Variants in AK9 observed in about 807,000 individuals in gnomAD.
The protein encoded by AK9 is adenylate kinase 9, also known as adenylate kinase domain containing 1.
Under a neutral mutation model 239.6 loss-of-function variants are expected in AK9, and 191 were observed. The ratio of observed to expected loss-of-function variants is 0.80; its 90% CI spans 0.71 to 0.90. AK9 has a LOEUF of 0.90. Among genes scored for constraint, AK9 ranks in the 40% least tolerant of loss-of-function variants. The pLI is 0.00. For missense variants in AK9, 1,995 were observed against 2,214.7 expected (o/e 0.90, Z 1.99); for synonymous variants, 689 against 721.0 (o/e 0.96, Z 0.71).
chr6:109,506,055 T>C (rs1024607449), intron 35 of AK9, among the ~76,000 whole-genome samples: 6 of 152,180 alleles, frequency 3.9e-5, no homozygotes, highest in Admixed American at 2.6e-4. Flanking sequence ...CAAGCCCTCA[T>C]GATGTAACTA....
At chr6:109,573,618 T>C in intron 20 of AK9, 24 bp from the exon 21 acceptor site, 2 of 1,530,086 alleles carry the variant, frequency 1.3e-6, no homozygotes, top group East Asian at 2.5e-5. Context: ...AAGAAATAAA[T>C]TATCATTTGG....
rs1455135944 is a variant in AK9, at chr6:109,671,957, A to T, written c.293T>A (p.Met98Lys). ...TTCTGGGGAGTTGAGCTTCTCCAAC[A>T]TTAGCTTTATGACAAGTTCATCTGG... The part of the protein sequence containing the change: ...SIPDELVIKL[M>K]LEKLNSPEVC... Residue 98 changes from methionine (M) to lysine (K), a missense_variant, in exon 5 of 41, where the codon ATG (methionine) becomes AAG (lysine). By Grantham distance (95) the Met-to-Lys change is moderately conservative. Around this residue, in one of 5 missense-constraint regions of AK9, gnomAD observed 252 missense variants for 246.4 expected, o/e 1.02. Transcript: ENST00000424296. The T allele has an allele frequency of 1.9e-6, 3 of 1,613,922 alleles. No individual in the cohort carries two copies. The highest frequency in any genetic ancestry group is 2.5e-6 in the Non-Finnish European group (3 of 1,179,956).
intron 15 of AK9, 144 bp from the exon 16 acceptor site, chr6:109,612,237 G>A: frequency 3.5e-6 from 2 of 570,526 alleles, no homozygotes; most frequent in South Asian, 4.8e-5. Flanking sequence ...ACATTTAAAT[G>A]GGTAAATATA....
intron 38 of AK9, 87 bp downstream of exon 38, chr6:109,497,362 ACTCTCTCTCTCTCTCT>A: frequency 2.0e-6 from 1 of 496,020 alleles, no homozygotes; most frequent in Admixed American, 3.5e-5. Context: ...ACACACACAC[ACTCTCTCTCTCTCTCT>A]CTCTCTCACA....
At chr6:109,509,155 C>T (rs1167886620) in intron 33 of AK9, 24 bp downstream of exon 33, 14 of 1,547,244 alleles carry the variant, frequency 9.0e-6, no homozygotes, top group Admixed American at 2.0e-5. Context: ...CCCTCTGTCC[C>T]ATCCTCTCAC....
chr6:109,628,506 C>G (rs765152457), intron 12 of AK9, among the ~76,000 whole-genome samples: 6 of 152,094 alleles, frequency 3.9e-5, no homozygotes, highest in African/African-American at 1.4e-4. Flanking sequence ...TTTCTCTTCC[C>G]GCAGGGATCA....
At chr6:109,526,155 T>G (rs893974742) in intron 29 of AK9, among the ~76,000 whole-genome samples, 8 of 151,404 alleles carry the variant, frequency 5.3e-5, no homozygotes, top group Non-Finnish European at 1.2e-4. Context: ...AGGAGGAGAG[T>G]GAGGGTCAAA....
rs1388764673 is a variant in AK9 at position 109,515,939 on chromosome 6, G to A, written c.3983C>T (p.Pro1328Leu). 5 of 1,551,568 alleles carry A rather than the reference G, an allele frequency of 3.2e-6. No individual in the cohort carries two copies. In the African/African-American group the frequency reaches 4.1e-5, roughly 13 times the overall value. The change falls in exon 31 of 41, where the codon CCA becomes CTA. Residue 1328 changes from proline (P) to leucine (L), a missense_variant. Pro to Leu is a moderately conservative substitution (Grantham distance 98). Coordinates refer to ENST00000424296, the MANE Select transcript of AK9 (RefSeq NM_001145128.3). The part of the protein sequence containing the change: ...NRASIFEKCH[P>L]IPAPLAQKML... ...TTTCTGGGCAAGGGGTGCTGGTATT[G>A]GATGACATTTCTCAAAAATGCTTGC...
chr6:109,671,105 A>G (rs1770819848), intron 5 of AK9, among the ~76,000 whole-genome samples: 1 of 152,220 alleles, frequency 6.6e-6, no homozygotes, highest in Non-Finnish European at 1.5e-5. Context: ...CAGTAAATAC[A>G]GTTTGACAAG....
intron 1 of AK9, among the ~76,000 whole-genome samples, chr6:109,690,271 G>A (rs78200890): frequency 1.3e-5 from 2 of 152,168 alleles, no homozygotes; most frequent in African/African-American, 4.8e-5. Context: ...CTTGCAGTAG[G>A]TGTTCAGTAA....
At chr6:109,607,240 C>T (rs934001397) in intron 17 of AK9, among the ~76,000 whole-genome samples, 1 of 152,076 alleles carries the variant, frequency 6.6e-6, no homozygotes, top group African/African-American at 2.4e-5. Context: ...CGTTGAAGAC[C>T]TTTACCTTGA....
intron 1 of AK9, among the ~76,000 whole-genome samples, chr6:109,682,200 C>T (rs1315493457): frequency 3.3e-5 from 5 of 151,846 alleles, no homozygotes; most frequent in East Asian, 1.9e-4. Flanking sequence ...CCTAGGTGGG[C>T]GGATCACAAG....
intron 31 of AK9, among the ~76,000 whole-genome samples, chr6:109,514,662 A>G (rs1779092371): frequency 6.6e-6 from 1 of 152,210 alleles, no homozygotes; most frequent in Admixed American, 6.5e-5. Flanking sequence ...CCTTCAGTTT[A>G]TGACAATTAT....
intron 25 of AK9, 147 bp downstream of exon 25, chr6:109,549,943 C>T (rs1363352984): frequency 1.5e-5 from 12 of 800,270 alleles, no homozygotes; most frequent in Admixed American, 3.0e-5. Flanking sequence ...GGATTACAGG[C>T]GTGAGCCACC....
chr6:109,537,225 G>T (rs1172153223), intron 27 of AK9, among the ~76,000 whole-genome samples: 2 of 152,012 alleles, frequency 1.3e-5, no homozygotes, highest in Non-Finnish European at 2.9e-5. Flanking sequence ...CTGTGAATCC[G>T]TCTGGTCCTG....
In AK9 at chr6:109,656,755, C is replaced by T; in HGVS notation, c.759+1G>A. The T allele has an allele frequency of 6.3e-7, 1 of 1,583,518 alleles. No homozygotes were observed. The highest frequency in any genetic ancestry group is 8.6e-7 in the Non-Finnish European group (1 of 1,157,956). On this transcript the variant is annotated splice_donor_variant, in intron 8 of 40. Transcript: ENST00000424296. LOFTEE classifies it high-confidence loss of function. ...TTTTCAGCAATATATTTTGTTCTTA[C>T]TTCTAAAGTTTGGAGAATTGTTTCC...
chr6:109,560,867 G>A (rs1344870966), intron 24 of AK9, among the ~76,000 whole-genome samples: 1 of 152,080 alleles, frequency 6.6e-6, no homozygotes, highest in African/African-American at 2.4e-5. Flanking sequence ...TCAAGATTTG[G>A]CAGAATTCAT....
chr6:109,594,912 G>A lies in AK9; in HGVS notation c.1843-8840C>T, dbSNP rs561639158. Among the ~76,000 whole-genome samples the A allele has an allele frequency of 3.6e-4, 55 of 152,244 alleles. 1 individual carries two copies. The South Asian group carries it at 0.011, about 29-fold the overall frequency. On this transcript the variant is annotated intron_variant, in intron 17 of 40. Coordinates refer to ENST00000424296, the MANE Select transcript of AK9 (RefSeq NM_001145128.3). Reference sequence around the variant, plus strand: ...ATCTAAAACCATAAAAATTCTAGAAGAAAACCTAAGCAATACCATTCAGGA... The same window carrying A: ...ATCTAAAACCATAAAAATTCTAGAAAAAAACCTAAGCAATACCATTCAGGA...
At position 109,513,882 on chromosome 6, in the gene AK9, G is replaced by A. The variant is rs796507352; in HGVS notation, c.4279+342C>T. On this transcript the variant is annotated intron_variant, in intron 32 of 40. Coordinates refer to ENST00000424296, the MANE Select transcript of AK9 (RefSeq NM_001145128.3). ...TTCCTTAAGCAGAACCTAAATGCCAGCAGAATAGCTGACACCAACAGGAGG... is the reference window on the plus strand; with the variant it reads ...TTCCTTAAGCAGAACCTAAATGCCAACAGAATAGCTGACACCAACAGGAGG... 6.6e-5 allele frequency among the ~76,000 whole-genome samples: 10 copies of A among 152,318 alleles called. 1 individual carries two copies. Among genetic ancestry groups the A allele is most frequent in the African/African-American group, 2.4e-4 (10 of 41,576 alleles).
Sources: gnomAD v4.1 joint callset for allele counts (sites outside exome capture counted in the v4.1 genomes callset) on GRCh38, gnomAD v4.1.1 for gene constraint, gnomAD v4.1.1 regional missense constraint, MANE v1.5 for transcripts, NCBI Gene and HGNC (gene_info 2026-07-23, HGNC 2026-07-21) for gene names.